Variants in SESTD1 observed in about 807,000 individuals in gnomAD.
SESTD1 encodes SEC14 and spectrin domain containing 1, also known as SEC14 domain and spectrin repeat-containing protein 1.
In SESTD1, 43 loss-of-function variants were observed where a neutral mutation model predicts 101.7. That is an observed-to-expected ratio of 0.42 (90% CI 0.33 to 0.55). SESTD1 has a LOEUF of 0.55. Among genes scored for constraint, SESTD1 ranks in the 20% least tolerant of loss-of-function variants. The pLI is 0.07. For synonymous variants in SESTD1, 283 were observed against 286.8 expected (o/e 0.99, Z 0.13); for missense variants, 647 against 815.1 (o/e 0.79, Z 2.51).
At chr2:179,244,295 T>C (rs976616055) in intron 1 of SESTD1, among the ~76,000 whole-genome samples, 3 of 151,836 alleles carry the variant, frequency 2.0e-5, no homozygotes, top group Admixed American at 6.6e-5. Flanking sequence ...CGTCTCTTAC[T>C]AAAAATACAA....
intron 1 of SESTD1, among the ~76,000 whole-genome samples, chr2:179,196,084 G>A (rs1163338570): frequency 6.6e-6 from 1 of 152,180 alleles, no homozygotes; most frequent in Admixed American, 6.5e-5. Flanking sequence ...AGTGGGCGCA[G>A]GTCAGTGGGT....
chr2:179,227,090 T>C (rs1164501706), intron 1 of SESTD1, among the ~76,000 whole-genome samples: 1 of 152,224 alleles, frequency 6.6e-6, no homozygotes, highest in African/African-American at 2.4e-5. Context: ...GGGCACTTTA[T>C]AAAGCCTTCT....
In SESTD1 at chr2:179,260,746, T is replaced by C. The variant is rs550634252; in HGVS notation, c.-26+3753A>G. Among the ~76,000 whole-genome samples the C allele has an allele frequency of 1.4e-4, 22 of 152,310 alleles. 1 individual carries two copies. The East Asian group carries it at 2.5e-3, about 17-fold the overall frequency. On this transcript the variant is annotated intron_variant, in intron 1 of 17. Coordinates refer to ENST00000428443, the MANE Select transcript of SESTD1 (RefSeq NM_178123.5). ...TAATATTAGATTTATCCTTTGTAATTACAGATGGAAAAGTTTAACATATTT... is the reference window on the plus strand; with the variant it reads ...TAATATTAGATTTATCCTTTGTAATCACAGATGGAAAAGTTTAACATATTT...
At chr2:179,199,795 G>A (rs2046474983) in intron 1 of SESTD1, among the ~76,000 whole-genome samples, 1 of 152,318 alleles carries the variant, frequency 6.6e-6, no homozygotes, top group Admixed American at 6.5e-5. Flanking sequence ...AGGTATTGAT[G>A]GGACATATTT....
intron 1 of SESTD1, among the ~76,000 whole-genome samples, chr2:179,218,098 G>T (rs1480070281): frequency 6.6e-6 from 1 of 152,132 alleles, no homozygotes; most frequent in African/African-American, 2.4e-5. Flanking sequence ...CCTGCACGTT[G>T]TGCACATGTA....
In SESTD1 at chr2:179,146,458, C is replaced by A. The variant is rs1229977795; in HGVS notation, c.582-1G>T. 1 of 1,611,736 alleles carries A rather than the reference C, an allele frequency of 6.2e-7. No homozygotes were observed. The highest frequency in any genetic ancestry group is 1.1e-5 in the South Asian group (1 of 90,584). On this transcript the variant is annotated splice_acceptor_variant, in intron 7 of 17. Transcript: ENST00000428443. LOFTEE classifies it high-confidence loss of function. ...TGGAAGAAAGTTTAAATCCACAGAC[C>A]TGGAAAACACCAAAGGAGTAATTTT...
intron 1 of SESTD1, among the ~76,000 whole-genome samples, chr2:179,256,447 A>C (rs1450186538): frequency 6.6e-6 from 1 of 152,206 alleles, no homozygotes; most frequent in African/African-American, 2.4e-5. Context: ...ATGTGGTAGA[A>C]ATAACAACAG....
chr2:179,156,454 G>T (rs934272704), intron 5 of SESTD1, among the ~76,000 whole-genome samples: 1 of 152,164 alleles, frequency 6.6e-6, no homozygotes, highest in African/African-American at 2.4e-5. Flanking sequence ...CCCACCAGCA[G>T]TACGGAAGTG....
chr2:179,182,516 G>C (rs1042595745), intron 3 of SESTD1, among the ~76,000 whole-genome samples: 2 of 152,056 alleles, frequency 1.3e-5, no homozygotes, highest in Admixed American at 6.6e-5. Flanking sequence ...AGAAGCAGAT[G>C]GGGAGGAAGC....
intron 1 of SESTD1, among the ~76,000 whole-genome samples, chr2:179,222,972 C>T (rs2046835254): frequency 6.6e-6 from 1 of 152,044 alleles, no homozygotes; most frequent in South Asian, 2.1e-4. Context: ...TATATCCACC[C>T]AAAGACTTGT....
chr2:179,221,913 C>A (rs2046820992), intron 1 of SESTD1, among the ~76,000 whole-genome samples: 1 of 151,532 alleles, frequency 6.6e-6, no homozygotes. Context: ...GAGTTAGACC[C>A]TGTCTCAAAA....
At chr2:179,260,182 A>T (rs1475165747) in intron 1 of SESTD1, among the ~76,000 whole-genome samples, 1 of 152,196 alleles carries the variant, frequency 6.6e-6, no homozygotes, top group Non-Finnish European at 1.5e-5. Context: ...ATATTAGCTC[A>T]CATATCATTT....
intron 5 of SESTD1, among the ~76,000 whole-genome samples, chr2:179,153,075 C>T (rs886681856): frequency 2.0e-5 from 3 of 152,096 alleles, no homozygotes; most frequent in Admixed American, 6.5e-5. Context: ...AATACCATTT[C>T]GTTGATAGCA....
chr2:179,229,550 T>C (rs1365230075), intron 1 of SESTD1, among the ~76,000 whole-genome samples: 3 of 151,992 alleles, frequency 2.0e-5, no homozygotes, highest in Non-Finnish European at 2.9e-5. Flanking sequence ...CATATGTTTT[T>C]AGATATATAT....
intron 4 of SESTD1, among the ~76,000 whole-genome samples, chr2:179,173,655 C>T (rs1035049068): frequency 2.6e-5 from 4 of 152,156 alleles, no homozygotes; most frequent in African/African-American, 9.7e-5. Flanking sequence ...CTCTAAAGTT[C>T]TACTACACTA....
At chr2:179,129,110 T>C (rs1192264801) in intron 10 of SESTD1, among the ~76,000 whole-genome samples, 1 of 152,188 alleles carries the variant, frequency 6.6e-6, no homozygotes, top group African/African-American at 2.4e-5. Flanking sequence ...GACTACACAT[T>C]AGGAGAAATG....
intron 1 of SESTD1, among the ~76,000 whole-genome samples, chr2:179,210,235 C>T (rs1252063761): frequency 7.8e-6 from 1 of 128,298 alleles, no homozygotes; most frequent in Non-Finnish European, 1.6e-5. Flanking sequence ...TAGATGGATT[C>T]ACAGCTGAAT....
chr2:179,115,341 C>A (rs2044605218), intron 15 of SESTD1, 85 bp from the exon 16 acceptor site: 1 of 1,042,046 alleles, frequency 9.6e-7, no homozygotes, highest in African/African-American at 1.6e-5. Flanking sequence ...ATTGTCGTTA[C>A]AGTTAAGTGA....
chr2:179,119,228 A>C (rs1559098194), intron 13 of SESTD1, among the ~76,000 whole-genome samples: 1 of 152,224 alleles, frequency 6.6e-6, no homozygotes, highest in Non-Finnish European at 1.5e-5. Flanking sequence ...AGAGGCAGAT[A>C]AGAGTTTAAG....
Sources: gnomAD v4.1 joint callset for allele counts (sites outside exome capture counted in the v4.1 genomes callset) on GRCh38, gnomAD v4.1.1 for gene constraint, MANE v1.5 for transcripts, NCBI Gene and HGNC (gene_info 2026-07-23, HGNC 2026-07-21) for gene names.